Variants in TAOK3 observed in about 807,000 individuals in gnomAD.
TAOK3 encodes TAO kinase 3.
In TAOK3, 40 loss-of-function variants were observed where a neutral mutation model predicts 120.4. That is an observed-to-expected ratio of 0.33 (90% CI 0.26 to 0.43). TAOK3 has a LOEUF of 0.43. Ranked by LOEUF, TAOK3 falls within the 20% of genes least tolerant of loss-of-function variation. TAOK3 has a pLI of 1.00. For missense variants in TAOK3, 821 were observed against 1,112.1 expected, an observed-to-expected ratio of 0.74 and a Z score of 3.72; for synonymous variants, 355 against 387.5, an observed-to-expected ratio of 0.92 and a Z score of 0.99.
chr12:118,340,649 C>T (rs2044576525), intron 1 of TAOK3, among the ~76,000 whole-genome samples: 1 of 151,724 alleles, frequency 6.6e-6, no homozygotes, highest in South Asian at 2.1e-4. Flanking sequence ...TGCCTCATAC[C>T]CAGCTTTAAC....
intron 1 of TAOK3, among the ~76,000 whole-genome samples, chr12:118,282,373 T>C (rs1404226128): frequency 6.6e-6 from 1 of 152,228 alleles, no homozygotes; most frequent in East Asian, 1.9e-4. Flanking sequence ...TACCTTGGCA[T>C]TTCCCACTGT....
chr12:118,241,966 C>T (rs1048023596), intron 5 of TAOK3, among the ~76,000 whole-genome samples: 1 of 151,622 alleles, frequency 6.6e-6, no homozygotes, highest in Non-Finnish European at 1.5e-5. Flanking sequence ...CAAAATTAGC[C>T]GGGTGTGGTA....
At position 118,185,207 on chromosome 12, in the gene TAOK3, TAAAC is replaced by T. The variant is rs2037001441; in HGVS notation, c.1330-3604_1330-3601del. Among the ~76,000 whole-genome samples, 5 of 151,926 alleles carry T rather than the reference TAAAC, an allele frequency of 3.3e-5. No individual in the cohort carries two copies. In the South Asian group the frequency reaches 1.0e-3, roughly 32 times the overall value. Reference sequence around the variant, plus strand: ...TTTCATGTATCTAGAATATGAAAAATAAACAAATAATAAATAATGTGCCATGAAA... The same window carrying T: ...TTTCATGTATCTAGAATATGAAAAATAAATAATAAATAATGTGCCATGAAA... On this transcript the variant is annotated intron_variant, in intron 14 of 20. Transcript: ENST00000392533.
At chr12:118,153,270 G>C (rs992481603) in intron 19 of TAOK3, among the ~76,000 whole-genome samples, 12 of 152,112 alleles carry the variant, frequency 7.9e-5, no homozygotes. Flanking sequence ...AATTAGCCAG[G>C]CATGGTGGCA....
intron 11 of TAOK3, among the ~76,000 whole-genome samples, chr12:118,207,400 T>G (rs548143528): frequency 1.3e-5 from 2 of 151,638 alleles, no homozygotes; most frequent in African/African-American, 4.8e-5. Flanking sequence ...AAATATTAAG[T>G]TACAGAATAT....
intron 7 of TAOK3, among the ~76,000 whole-genome samples, chr12:118,237,208 T>G (rs1210438801): frequency 6.6e-6 from 1 of 152,170 alleles, no homozygotes; most frequent in African/African-American, 2.4e-5. Context: ...ATGGCTACAC[T>G]GGGGTGATTA....
At chr12:118,151,459 G>A (rs912652790) in intron 20 of TAOK3, among the ~76,000 whole-genome samples, 1 of 152,184 alleles carries the variant, frequency 6.6e-6, no homozygotes, top group Non-Finnish European at 1.5e-5. Context: ...CAAGCCCAGC[G>A]GCTGGGCGGA....
chr12:118,297,552 C>T (rs954990337), intron 1 of TAOK3, among the ~76,000 whole-genome samples: 5 of 152,136 alleles, frequency 3.3e-5, no homozygotes, highest in African/African-American at 1.2e-4. Flanking sequence ...GTGACCAGCA[C>T]CAGACTGTTT....
chr12:118,199,375 C>A, intron 12 of TAOK3, 118 bp from the exon 13 acceptor site: 1 of 742,846 alleles, frequency 1.3e-6, no homozygotes. Context: ...TGCCAATCTG[C>A]AAAGACAAAC....
chr12:118,223,050 TTTTC>T (rs200467183), intron 9 of TAOK3, among the ~76,000 whole-genome samples: 6 of 129,396 alleles, frequency 4.6e-5, no homozygotes, highest in Admixed American at 2.5e-4. Flanking sequence ...ATAAGGGTTC[TTTTC>T]TTTCTTTCTT....
chr12:118,352,859 T>G (rs2045234923), intron 1 of TAOK3, among the ~76,000 whole-genome samples: 1 of 152,046 alleles, frequency 6.6e-6, no homozygotes, highest in Non-Finnish European at 1.5e-5. Context: ...TACAGGTGTG[T>G]GCCACCATGC....
intron 1 of TAOK3, chr12:118,359,182 G>T (rs2045509923): frequency 6.6e-6 from 1 of 152,134 alleles, no homozygotes; most frequent in Non-Finnish European, 1.5e-5. Context: ...TTCCTGGTCA[G>T]ACAGCTAACG....
intron 1 of TAOK3, among the ~76,000 whole-genome samples, chr12:118,299,321 A>G (rs1437910452): frequency 6.6e-6 from 1 of 152,168 alleles, no homozygotes; most frequent in Non-Finnish European, 1.5e-5. Flanking sequence ...ACAAACTCAT[A>G]TAACCTTTTG....
chr12:118,152,493 G>A (rs958819353), intron 19 of TAOK3, 84 bp from the exon 20 acceptor site: 1 of 1,373,464 alleles, frequency 7.3e-7, no homozygotes, highest in African/African-American at 1.4e-5. Context: ...TACTGGAAGA[G>A]GTTTCCTCAT....
At chr12:118,308,270 G>T (rs2043126407) in intron 1 of TAOK3, among the ~76,000 whole-genome samples, 1 of 152,094 alleles carries the variant, frequency 6.6e-6, no homozygotes, top group Non-Finnish European at 1.5e-5. Context: ...GGGGAAGCAT[G>T]AATAATAGAC....
chr12:118,246,474 G>A (rs2140046284), intron 3 of TAOK3: 6 of 1,541,868 alleles, frequency 3.9e-6, no homozygotes, highest in Non-Finnish European at 4.4e-6. Context: ...TGTTGCTATC[G>A]GGGACTACAA....
At chr12:118,219,356 T>A (rs1034155306) in intron 9 of TAOK3, among the ~76,000 whole-genome samples, 2 of 152,046 alleles carry the variant, frequency 1.3e-5, no homozygotes, top group East Asian at 3.9e-4. Context: ...GCTCAAGTGA[T>A]CCTCCTCCCT....
chr12:118,304,529 G>A (rs2042982307), intron 1 of TAOK3, among the ~76,000 whole-genome samples: 1 of 152,042 alleles, frequency 6.6e-6, no homozygotes, highest in Non-Finnish European at 1.5e-5. Context: ...CATAATTTAT[G>A]CTTACACTAA....
At chr12:118,209,357 T>C (rs2038500276) in intron 11 of TAOK3, among the ~76,000 whole-genome samples, 1 of 152,198 alleles carries the variant, frequency 6.6e-6, no homozygotes. Context: ...CAGTGGTTGC[T>C]AGTGAGGGGG....
Sources: gnomAD v4.1 joint callset for allele counts (sites outside exome capture counted in the v4.1 genomes callset) on GRCh38, gnomAD v4.1.1 for gene constraint, MANE v1.5 for transcripts, NCBI Gene and HGNC (gene_info 2026-07-23, HGNC 2026-07-21) for gene names.